Variants in PRKG1 observed in about 807,000 individuals in gnomAD.
PRKG1 encodes cGMP-dependent protein kinase 1.
Under a neutral mutation model 88.1 loss-of-function variants are expected in PRKG1, and 35 were observed. The ratio of observed to expected loss-of-function variants is 0.40; its 90% CI spans 0.30 to 0.53. The LOEUF (loss-of-function observed/expected upper bound fraction) is 0.53. Among genes scored for constraint, PRKG1 ranks in the 20% least tolerant of loss-of-function variants. PRKG1 has a pLI of 0.59. For missense variants in PRKG1, 540 were observed against 839.8 expected (o/e 0.64, Z 4.41); for synonymous variants, 303 against 292.5 (o/e 1.04, Z -0.37).
At chr10:52,224,808 C>CATATATATATATATATGTATATATATAT (rs1840343074) in intron 9 of PRKG1, among the ~76,000 whole-genome samples, 1 of 106,370 alleles carries the variant, frequency 9.4e-6, no homozygotes, top group Non-Finnish European at 1.9e-5. Flanking sequence ...AGTATTCCAT[C>CATATATATATATATATGTATATATATAT]ATATATATAT....
chr10:51,840,004 A>T lies in PRKG1; in HGVS notation c.698+35314A>T, dbSNP rs112403350. Among the ~76,000 whole-genome samples the T allele has an allele frequency of 6.5e-3, 997 of 152,332 alleles. 8 individuals are homozygous for T. The highest frequency in any genetic ancestry group is 0.02 in the African/African-American group (850 of 41,584). On this transcript the variant is annotated intron_variant, in intron 4 of 17. Transcript: ENST00000373980. ...CCCTGTTTTCCTCCCAGGCATTTCA[A>T]ATCTAGTTTTAATTTAGATCAGCAG...
intron 3 of PRKG1, among the ~76,000 whole-genome samples, chr10:51,550,117 T>A (rs1837089025): frequency 6.6e-6 from 1 of 152,102 alleles, no homozygotes; most frequent in Non-Finnish European, 1.5e-5. Flanking sequence ...TCTCTAATAC[T>A]AAGTCTCTAC....
intron 1 of PRKG1, among the ~76,000 whole-genome samples, chr10:51,149,078 G>C (rs1468491022): frequency 6.6e-6 from 1 of 151,840 alleles, no homozygotes; most frequent in Non-Finnish European, 1.5e-5. Context: ...ATATATCAAG[G>C]TCATTCCAAA....
At chr10:51,508,304 T>C (rs1463547102) in intron 3 of PRKG1, among the ~76,000 whole-genome samples, 1 of 152,192 alleles carries the variant, frequency 6.6e-6, no homozygotes, top group Admixed American at 6.6e-5. Context: ...ACTTTCTATG[T>C]GAAAGAATAT....
At chr10:51,293,186 A>G (rs1840629315) in intron 2 of PRKG1, among the ~76,000 whole-genome samples, 1 of 131,202 alleles carries the variant, frequency 7.6e-6, no homozygotes, top group African/African-American at 3.4e-5. Context: ...CACCTGACAG[A>G]GTTACCATTT....
intron 3 of PRKG1, among the ~76,000 whole-genome samples, chr10:51,644,291 T>A (rs1340323526): frequency 6.6e-6 from 1 of 152,220 alleles, no homozygotes; most frequent in Non-Finnish European, 1.5e-5. Context: ...TTTTTATTGA[T>A]GAGATTATGT....
chr10:51,270,340 C>A (rs998408308), intron 2 of PRKG1, among the ~76,000 whole-genome samples: 1 of 152,126 alleles, frequency 6.6e-6, no homozygotes, highest in Non-Finnish European at 1.5e-5. Flanking sequence ...TGACAGCAAG[C>A]TCTGATCATT....
At chr10:51,997,153 T>C (rs1034678570) in intron 5 of PRKG1, among the ~76,000 whole-genome samples, 9 of 151,914 alleles carry the variant, frequency 5.9e-5, no homozygotes, top group African/African-American at 1.9e-4. Flanking sequence ...AAGATGTTGG[T>C]CAATGGATCC....
intron 3 of PRKG1, among the ~76,000 whole-genome samples, chr10:51,624,456 A>G (rs1839285236): frequency 6.6e-6 from 1 of 152,212 alleles, no homozygotes; most frequent in African/African-American, 2.4e-5. Flanking sequence ...AATGAATACC[A>G]TTGTTTTACT....
In PRKG1 at chr10:51,719,724, T is replaced by C. The variant is rs116468520; in HGVS notation, c.593-84861T>C. Reference sequence around the variant, plus strand: ...AACATACCTGGGTTGTGTATGATGGTAACATTGGGAAAGCTGGGGGACAGG... The same window carrying C: ...AACATACCTGGGTTGTGTATGATGGCAACATTGGGAAAGCTGGGGGACAGG... On this transcript the variant is annotated intron_variant, in intron 3 of 17. Coordinates refer to ENST00000373980, the MANE Select transcript of PRKG1 (RefSeq NM_006258.4). 1.1e-3 allele frequency among the ~76,000 whole-genome samples: 163 copies of C among 152,326 alleles called. 1 individual carries two copies. The highest frequency in any genetic ancestry group is 3.8e-3 in the African/African-American group (158 of 41,574).
intron 2 of PRKG1, among the ~76,000 whole-genome samples, chr10:51,277,860 T>A (rs1257070778): frequency 6.6e-6 from 1 of 152,148 alleles, no homozygotes; most frequent in African/African-American, 2.4e-5. Context: ...TGGGCTGAGA[T>A]GATGGGGTTT....
intron 3 of PRKG1, among the ~76,000 whole-genome samples, chr10:51,776,947 A>G (rs1056727537): frequency 3.3e-5 from 5 of 152,230 alleles, no homozygotes; most frequent in Non-Finnish European, 7.3e-5. Context: ...TTGAAGTCTT[A>G]TAGAAGCTCT....
At position 51,415,109 on chromosome 10, in the gene PRKG1, C is replaced by A. The variant is rs1838201159; in HGVS notation, c.479-52614C>A. On this transcript the variant is annotated intron_variant, in intron 2 of 17. Transcript: ENST00000373980. The stretch of plus-strand genomic sequence containing the variant: ...GGTTAGTGACTTGCCCCAGGTCACA[C>A]AGTCAGCGTGATCAGTAGTTCAGGC... 2.6e-5 allele frequency among the ~76,000 whole-genome samples: 4 copies of A among 152,332 alleles called. No individual in the cohort carries two copies. The South Asian group carries it at 8.3e-4, about 32-fold the overall frequency.
intron 14 of PRKG1, among the ~76,000 whole-genome samples, chr10:52,283,728 A>C (rs1027745113): frequency 6.6e-6 from 1 of 152,050 alleles, no homozygotes; most frequent in African/African-American, 2.4e-5. Context: ...AAGATATGAA[A>C]AATTTGGACA....
intron 7 of PRKG1, among the ~76,000 whole-genome samples, chr10:52,068,202 C>CAAAAAAAAA (rs71032621): frequency 5.1e-5 from 2 of 38,852 alleles, no homozygotes; most frequent in Non-Finnish European, 9.5e-5. Context: ...AACTCCGTCT[C>CAAAAAAAAA]AAAAAAAAAA....
At chr10:51,780,922 G>A (rs1038503921) in intron 3 of PRKG1, among the ~76,000 whole-genome samples, 1 of 152,072 alleles carries the variant, frequency 6.6e-6, no homozygotes, top group East Asian at 1.9e-4. Context: ...TAGAATAAGA[G>A]CAAACGTTAA....
At position 51,314,643 on chromosome 10, in the gene PRKG1, C is replaced by T. The variant is rs183004531; in HGVS notation, c.479-153080C>T. On this transcript the variant is annotated intron_variant, in intron 2 of 17. Coordinates refer to ENST00000373980, the MANE Select transcript of PRKG1 (RefSeq NM_006258.4). ...TATATTGCTTAGGAAACTTGGATAA[C>T]TACTGACAACTAAGAAGAATTATGA... Among the ~76,000 whole-genome samples the T allele has an allele frequency of 6.6e-5, 10 of 152,294 alleles. No individual in the cohort carries two copies. The East Asian group carries it at 1.7e-3, about 26-fold the overall frequency.
At chr10:51,619,693 G>A (rs1380602450) in intron 3 of PRKG1, among the ~76,000 whole-genome samples, 2 of 152,132 alleles carry the variant, frequency 1.3e-5, no homozygotes, top group Non-Finnish European at 2.9e-5. Flanking sequence ...GAGAAAGAAA[G>A]CCATTTACAT....
intron 7 of PRKG1, among the ~76,000 whole-genome samples, chr10:52,102,066 A>C (rs1259901824): frequency 6.6e-6 from 1 of 152,222 alleles, no homozygotes; most frequent in African/African-American, 2.4e-5. Flanking sequence ...ATGGATGCAT[A>C]ACAAAAAGGG....
Sources: gnomAD v4.1 joint callset for allele counts (sites outside exome capture counted in the v4.1 genomes callset) on GRCh38, gnomAD v4.1.1 for gene constraint, MANE v1.5 for transcripts, NCBI Gene and HGNC (gene_info 2026-07-23, HGNC 2026-07-21) for gene names.